The following SLC30A7 variants were observed in gnomAD, a reference collection of about 807,000 sequenced individuals.
SLC30A7 encodes zinc transporter 7.
SLC30A7 carries 35 observed loss-of-function variants against 46.0 expected under a neutral mutation model. The ratio of observed to expected loss-of-function variants is 0.76; its 90% CI spans 0.58 to 1.01. SLC30A7 has a LOEUF of 1.01. Ranked by LOEUF, SLC30A7 falls within the 50% of genes least tolerant of loss-of-function variation. SLC30A7 has a pLI of 0.00. For synonymous variants in SLC30A7, 147 were observed against 157.8 expected (o/e 0.93, Z 0.51); for missense variants, 464 against 451.1 (o/e 1.03, Z -0.26).
intron 8 of SLC30A7, among the ~76,000 whole-genome samples, chr1:100,922,646 G>T (rs115910455): frequency 6.6e-6 from 1 of 152,126 alleles, no homozygotes; most frequent in African/African-American, 2.4e-5. Context: ...CATCTGCCTC[G>T]TAGCTCTTTA....
the SLC30A7 span, among the ~76,000 whole-genome samples, chr1:100,992,097 C>CA: frequency 3.5e-3 from 427 of 120,316 alleles, 2 homozygotes; most frequent in Middle Eastern, 4.6e-3. Context: ...GACCCTCTCT[C>CA]AAAAAAAAAA....
chr1:100,968,609 A>C (rs1655990698), intron 10 of SLC30A7, among the ~76,000 whole-genome samples: 1 of 152,170 alleles, frequency 6.6e-6, no homozygotes, highest in African/African-American at 2.4e-5. Context: ...ATTGCCACGT[A>C]CTTTATACTC....
At chr1:100,934,040 T>C (rs1653816326) in intron 8 of SLC30A7, among the ~76,000 whole-genome samples, 1 of 152,252 alleles carries the variant, frequency 6.6e-6, no homozygotes, top group African/African-American at 2.4e-5. Context: ...GGACTGAGTC[T>C]TGTTCAGCTC....
chr1:100,910,957 TTATAACCATGTAA>T, intron 3 of SLC30A7, 93 bp from the exon 4 acceptor site: 1 of 865,260 alleles, frequency 1.2e-6, no homozygotes, highest in South Asian at 1.6e-5. Context: ...CGCTGGCCAC[TTATAACCATGTAA>T]TATGGTTTGG....
chr1:100,902,419 T>G (rs763565323), intron 2 of SLC30A7, among the ~76,000 whole-genome samples: 3 of 152,190 alleles, frequency 2.0e-5, no homozygotes, highest in Non-Finnish European at 4.4e-5. Flanking sequence ...ATTTTTTGCA[T>G]TATGGCAATA....
intron 8 of SLC30A7, among the ~76,000 whole-genome samples, chr1:100,951,525 T>C (rs1486535415): frequency 2.0e-5 from 3 of 152,180 alleles, no homozygotes; most frequent in Non-Finnish European, 2.9e-5. Context: ...TTCCACAGCA[T>C]TACTTCCCAT....
intron 8 of SLC30A7, among the ~76,000 whole-genome samples, chr1:100,938,928 A>G (rs1654150731): frequency 6.6e-6 from 1 of 152,220 alleles, no homozygotes; most frequent in Non-Finnish European, 1.5e-5. Context: ...GAGAGAGTAT[A>G]GTACCCAATA....
chr1:100,945,039 GTGA>G (rs1362928135), intron 8 of SLC30A7, among the ~76,000 whole-genome samples: 1 of 152,186 alleles, frequency 6.6e-6, no homozygotes, highest in African/African-American at 2.4e-5. Context: ...CTGATGGCCA[GTGA>G]TGATGAGCAT....
chr1:100,927,970 G>T (rs1653413023), intron 8 of SLC30A7, among the ~76,000 whole-genome samples: 1 of 152,144 alleles, frequency 6.6e-6, no homozygotes, highest in Admixed American at 6.5e-5. Flanking sequence ...TTGGAATTGA[G>T]ATCTTAAGGC....
chr1:100,963,892 G>A (rs988725505), intron 9 of SLC30A7, among the ~76,000 whole-genome samples: 1 of 152,154 alleles, frequency 6.6e-6, no homozygotes, highest in African/African-American at 2.4e-5. Flanking sequence ...ATGACATCAT[G>A]AGTAGATGAG....
chr1:100,896,506 C>G, intron 1 of SLC30A7, 64 bp from the exon 2 acceptor site: 1 of 1,505,384 alleles, frequency 6.6e-7, no homozygotes, highest in African/African-American at 1.4e-5. Flanking sequence ...AAGAGGGTAC[C>G]CAGCCTCGGG....
chr1:100,926,888 A>G (rs889765549), intron 8 of SLC30A7, among the ~76,000 whole-genome samples: 2 of 152,212 alleles, frequency 1.3e-5, no homozygotes, highest in Non-Finnish European at 2.9e-5. Flanking sequence ...CTAAGATGCT[A>G]TTTTAGAAGG....
downstream of SLC30A7, among the ~76,000 whole-genome samples, chr1:100,985,721 T>C (rs1284848247): frequency 6.6e-6 from 1 of 151,446 alleles, no homozygotes; most frequent in Non-Finnish European, 1.5e-5. Context: ...AAAAAATGAG[T>C]GTGGATCTAA....
At chr1:100,917,594 A>G (rs1652654409) in intron 6 of SLC30A7, among the ~76,000 whole-genome samples, 1 of 152,210 alleles carries the variant, frequency 6.6e-6, no homozygotes, top group African/African-American at 2.4e-5. Context: ...TCATCATAAA[A>G]GCAAAATGAA....
chr1:100,896,805 C>A, intron 2 of SLC30A7, 134 bp downstream of exon 2: 1 of 741,588 alleles, frequency 1.3e-6, no homozygotes, highest in Non-Finnish European at 2.3e-6. Context: ...TGCTGAGTTG[C>A]TTTCTCATAC....
At chr1:100,913,633 T>C (rs1367153385) in intron 5 of SLC30A7, 30 bp from the exon 6 acceptor site, 6 of 1,535,736 alleles carry the variant, frequency 3.9e-6, no homozygotes, top group Non-Finnish European at 5.4e-6. Flanking sequence ...TATTTTTACA[T>C]ACCTTCTGTC....
intron 10 of SLC30A7, among the ~76,000 whole-genome samples, chr1:100,970,696 A>C (rs1390656127): frequency 6.6e-6 from 1 of 151,484 alleles, no homozygotes; most frequent in Non-Finnish European, 1.5e-5. Flanking sequence ...AAAAAAAAAA[A>C]AATGGGATAC....
chr1:100,901,410 T>C (rs1651302227), intron 2 of SLC30A7, among the ~76,000 whole-genome samples: 2 of 152,214 alleles, frequency 1.3e-5, no homozygotes, highest in African/African-American at 4.8e-5. Context: ...CTGTTTTTGC[T>C]TCTGTATTTA....
At chr1:100,939,917 T>G (rs1396070700) in intron 8 of SLC30A7, among the ~76,000 whole-genome samples, 5 of 151,602 alleles carry the variant, frequency 3.3e-5, no homozygotes, top group Non-Finnish European at 4.4e-5. Context: ...AATATTCAAA[T>G]AAAAATACCA....
Sources: gnomAD v4.1 joint callset for allele counts (sites outside exome capture counted in the v4.1 genomes callset) on GRCh38, gnomAD v4.1.1 for gene constraint, MANE v1.5 for transcripts, NCBI Gene and HGNC (gene_info 2026-07-23, HGNC 2026-07-21) for gene names.